Variants in ITSN1 observed in about 807,000 individuals in gnomAD.
The protein encoded by ITSN1 is intersectin-1.
Under a neutral mutation model 239.8 loss-of-function variants are expected in ITSN1, and 58 were observed. The observed-to-expected ratio is 0.24, with a 90% CI of 0.20 to 0.30. The LOEUF is 0.30. Ranked by LOEUF, ITSN1 falls within the 10% of genes least tolerant of loss-of-function variation. The probability of loss-of-function intolerance (pLI) is 1.00; values close to 1 mark genes in which losing one functional copy is unlikely to be tolerated. For missense variants in ITSN1, 1,558 were observed against 2,103.3 expected (o/e 0.74, Z 5.07); for synonymous variants, 780 against 770.8 (o/e 1.01, Z -0.20).
chr21:33,759,560 C>T (rs759933169), intron 8 of ITSN1, among the ~76,000 whole-genome samples: 1 of 152,154 alleles, frequency 6.6e-6, no homozygotes, highest in Non-Finnish European at 1.5e-5. Context: ...TACCAACATT[C>T]TAGATACAAT....
At chr21:33,847,339 C>T (rs9653713) in intron 29 of ITSN1, among the ~76,000 whole-genome samples, 139 of 152,332 alleles carry the variant, frequency 9.1e-4, no homozygotes, top group Non-Finnish European at 1.8e-3. Flanking sequence ...ACCAGCCCTG[C>T]GCTCCAAGGA....
At chr21:33,704,548 CTAA>C (rs1568980965) in intron 1 of ITSN1, among the ~76,000 whole-genome samples, 1 of 152,074 alleles carries the variant, frequency 6.6e-6, no homozygotes. Flanking sequence ...AGAGGGAATA[CTAA>C]TAATATTTAG....
chr21:33,650,005 G>C (rs1387271105), intron 1 of ITSN1, among the ~76,000 whole-genome samples: 1 of 150,572 alleles, frequency 6.6e-6, no homozygotes, highest in Non-Finnish European at 1.5e-5. Context: ...CTCCAGCCTT[G>C]GCGACAGAGC....
At chr21:33,838,283 T>C (rs2074700125) in intron 29 of ITSN1, 1 of 985,204 alleles carries the variant, frequency 1.0e-6, no homozygotes, top group African/African-American at 1.7e-5. Context: ...CTCCCGGCGC[T>C]GTCGGGAGGC....
chr21:33,657,512 C>T (rs989074675), intron 1 of ITSN1, among the ~76,000 whole-genome samples: 3 of 152,196 alleles, frequency 2.0e-5, no homozygotes, highest in Non-Finnish European at 4.4e-5. Context: ...TGGTCTTCCA[C>T]GGCAGTCATT....
At chr21:33,795,097 G>A (rs187854055) in intron 17 of ITSN1, among the ~76,000 whole-genome samples, 3 of 152,170 alleles carry the variant, frequency 2.0e-5, no homozygotes, top group East Asian at 1.9e-4. Context: ...TAGACTCCAC[G>A]AAACAAAAAT....
intron 3 of ITSN1, among the ~76,000 whole-genome samples, chr21:33,721,614 G>GTGAAACATA (rs751278251): frequency 2.9e-4 from 44 of 151,800 alleles, no homozygotes; most frequent in Non-Finnish European, 4.9e-4. Flanking sequence ...TGGCCAACAT[G>GTGAAACATA]GTGAAACCCC....
chr21:33,693,772 T>C (rs890765030), intron 1 of ITSN1, among the ~76,000 whole-genome samples: 1 of 152,172 alleles, frequency 6.6e-6, no homozygotes, highest in Non-Finnish European at 1.5e-5. Flanking sequence ...TCAGTCAGGG[T>C]TGGTAGCTTT....
intron 4 of ITSN1, among the ~76,000 whole-genome samples, chr21:33,723,328 A>G (rs993325367): frequency 6.6e-6 from 1 of 152,166 alleles, no homozygotes; most frequent in Admixed American, 6.5e-5. Context: ...AAGAAAGAGC[A>G]TGTAGGCTGG....
chr21:33,727,849 T>C (rs2065922970), intron 4 of ITSN1, among the ~76,000 whole-genome samples: 1 of 152,088 alleles, frequency 6.6e-6, no homozygotes, highest in African/African-American at 2.4e-5. Context: ...GGCCACTTCT[T>C]TCCTACTGCT....
chr21:33,663,770 T>G (rs958830057), intron 1 of ITSN1, among the ~76,000 whole-genome samples: 2 of 152,140 alleles, frequency 1.3e-5, no homozygotes, highest in African/African-American at 4.8e-5. Context: ...GCCTGGCTAA[T>G]TTTTTGTATT....
At position 33,774,876 on chromosome 21, in the gene ITSN1, C is replaced by T. The variant is rs200507169; in HGVS notation, c.1453C>T (p.Leu485=). The change falls in exon 13 of 40, where the codon CTA becomes TTA. Residue 485 remains leucine, a splice_region_variant and synonymous_variant. Coordinates refer to ENST00000381318, the MANE Select transcript of ITSN1 (RefSeq NM_003024.3). ...GACTTTGGAATTTGAATTAGAAGCT[C>T]TAGTGAGTGAAGTTTGGTTATACTT... ...KKTLEFELEA[L]NDKKHQLEGK... 9 of 1,610,516 alleles carry T rather than the reference C, an allele frequency of 5.6e-6. No individual in the cohort carries two copies. The highest frequency in any genetic ancestry group is 1.7e-4 in the Middle Eastern group (1 of 6,044).
chr21:33,746,402 C>T (rs908471571), intron 5 of ITSN1, among the ~76,000 whole-genome samples: 2 of 152,000 alleles, frequency 1.3e-5, no homozygotes, highest in South Asian at 2.1e-4. Flanking sequence ...ACAAAGGCTT[C>T]AAAGCAGCAA....
At chr21:33,698,724 G>A (rs2284561) in intron 1 of ITSN1, among the ~76,000 whole-genome samples, 121,466 of 152,012 alleles carry the variant, frequency 0.8, 49,297 homozygotes, top group African/African-American at 0.95. Flanking sequence ...GTTTTAAAAG[G>A]GCTTTGTGTA....
At chr21:33,702,746 T>G (rs1324337583) in intron 1 of ITSN1, among the ~76,000 whole-genome samples, 2 of 152,238 alleles carry the variant, frequency 1.3e-5, no homozygotes, top group African/African-American at 2.4e-5. Context: ...CAAATCTGTT[T>G]CAATATACTT....
chr21:33,691,558 A>G (rs981284840), intron 1 of ITSN1, among the ~76,000 whole-genome samples: 2 of 152,202 alleles, frequency 1.3e-5, no homozygotes, highest in African/African-American at 4.8e-5. Context: ...AGTGAATGGT[A>G]AATTGCTAAG....
rs919566310 is a variant in ITSN1 at position 33,889,397 on chromosome 21, C to T, written c.*1097C>T. The T allele has an allele frequency of 3.9e-5, 6 of 152,130 alleles. No homozygotes were observed. The highest frequency in any genetic ancestry group is 6.5e-5 in the Admixed American group (1 of 15,270). 9.4% of individuals were successfully genotyped at this position (152,130 alleles called of 1,614,324 possible). A position where few individuals can be genotyped will look rare whatever the true frequency, so the allele number is the denominator to read the frequency against. ...AAAGACCCTAGGAGGATGCAAGCCC[C>T]GCACATCCCGGGGCAAAGACCTAAG... On this transcript the variant is annotated 3_prime_UTR_variant, in exon 40 of 40. Transcript: ENST00000381318.
intron 16 of ITSN1, among the ~76,000 whole-genome samples, chr21:33,784,158 T>TTAATA (rs1205373990): frequency 6.6e-6 from 1 of 152,168 alleles, no homozygotes; most frequent in Non-Finnish European, 1.5e-5. Flanking sequence ...TTAACTTTAA[T>TTAATA]TAATATGATG....
At chr21:33,764,906 T>G (rs2068614738) in intron 9 of ITSN1, among the ~76,000 whole-genome samples, 1 of 152,184 alleles carries the variant, frequency 6.6e-6, no homozygotes, top group Admixed American at 6.5e-5. Context: ...TGATGGAGAT[T>G]GAATCCTGAG....
Sources: gnomAD v4.1 joint callset for allele counts (sites outside exome capture counted in the v4.1 genomes callset) on GRCh38, gnomAD v4.1.1 for gene constraint, MANE v1.5 for transcripts, NCBI Gene and HGNC (gene_info 2026-07-23, HGNC 2026-07-21) for gene names.